The following LOC122539214 variants were observed in gnomAD, a reference collection of about 807,000 sequenced individuals.
At chr19:52,683,228 CTGTGTG>C in the LOC122539214 span, among the ~76,000 whole-genome samples, 1,310 of 127,994 alleles carry the variant, frequency 0.01, 7 homozygotes, top group African/African-American at 0.012. Flanking sequence ...CCCTGTGACT[CTGTGTG>C]TGTGTGTGTG....
chr19:52,654,478 A>G, the LOC122539214 span: 1 of 590,920 alleles, frequency 1.7e-6, no homozygotes, highest in South Asian at 4.2e-5. Context: ...AAATGTGTTA[A>G]TATTACACAA....
chr19:52,682,736 G>A, the LOC122539214 span, among the ~76,000 whole-genome samples: 3 of 152,036 alleles, frequency 2.0e-5, no homozygotes, highest in Non-Finnish European at 4.4e-5. Context: ...TATGTGTGGT[G>A]ACACATGCCT....
chr19:52,683,117 G>T, the LOC122539214 span, among the ~76,000 whole-genome samples: 1 of 152,090 alleles, frequency 6.6e-6, no homozygotes, highest in Non-Finnish European at 1.5e-5. Flanking sequence ...TGATCCACCC[G>T]CCTTGGCCTC....
At chr19:52,653,131 C>A in the LOC122539214 span, 1 of 1,467,186 alleles carries the variant, frequency 6.8e-7, no homozygotes, top group Non-Finnish European at 9.5e-7. Context: ...GGTCTTGCCA[C>A]ACTCATGACA....
the LOC122539214 span, among the ~76,000 whole-genome samples, chr19:52,671,751 T>G: frequency 2.0e-5 from 3 of 152,222 alleles, no homozygotes; most frequent in Non-Finnish European, 4.4e-5. Flanking sequence ...AATTGCAATC[T>G]ATTTTAGGTG....
At chr19:52,678,643 C>A in the LOC122539214 span, among the ~76,000 whole-genome samples, 1 of 151,830 alleles carries the variant, frequency 6.6e-6, no homozygotes, top group African/African-American at 2.4e-5. Flanking sequence ...GCCCTCATAT[C>A]CTCATGGAGA....
At chr19:52,667,817 AAT>A in the LOC122539214 span, among the ~76,000 whole-genome samples, 2 of 152,238 alleles carry the variant, frequency 1.3e-5, no homozygotes, top group Non-Finnish European at 2.9e-5. Flanking sequence ...ACATTGGATA[AAT>A]ATGTCTACAA....
chr19:52,652,690 G>T, the LOC122539214 span: 1 of 611,290 alleles, frequency 1.6e-6, no homozygotes. Flanking sequence ...AATGCTTGTA[G>T]CATTACTGAG....
At chr19:52,658,970 G>A in the LOC122539214 span, among the ~76,000 whole-genome samples, 1 of 152,138 alleles carries the variant, frequency 6.6e-6, no homozygotes, top group Admixed American at 6.5e-5. Context: ...TGGAGTGCGA[G>A]CTGCTCAGGG....
chr19:52,685,520 T>A, the LOC122539214 span, among the ~76,000 whole-genome samples: 1 of 152,142 alleles, frequency 6.6e-6, no homozygotes, highest in Admixed American at 6.6e-5. Context: ...AATGCAGAAG[T>A]GTGAACACAC....
At chr19:52,657,622 C>T in the LOC122539214 span, among the ~76,000 whole-genome samples, 374 of 151,922 alleles carry the variant, frequency 2.5e-3, no homozygotes, top group Non-Finnish European at 4.1e-3. Context: ...CCAAGGCAGG[C>T]GGATCACCTG....
chr19:52,678,152 T>C, the LOC122539214 span, among the ~76,000 whole-genome samples: 1 of 152,046 alleles, frequency 6.6e-6, no homozygotes, highest in African/African-American at 2.4e-5. Flanking sequence ...AATGGTTGCA[T>C]ATGAAAATTA....
chr19:52,665,752 G>C, the LOC122539214 span, among the ~76,000 whole-genome samples: 1 of 152,136 alleles, frequency 6.6e-6, no homozygotes, highest in Non-Finnish European at 1.5e-5. Context: ...TAGCCGATAG[G>C]GGAATGACAC....
At chr19:52,665,596 A>C in the LOC122539214 span, among the ~76,000 whole-genome samples, 1 of 151,998 alleles carries the variant, frequency 6.6e-6, no homozygotes, top group Non-Finnish European at 1.5e-5. Flanking sequence ...CTTCCTCATA[A>C]AGCAACCTTT....
chr19:52,669,199 T>A, the LOC122539214 span, among the ~76,000 whole-genome samples: 1 of 152,176 alleles, frequency 6.6e-6, no homozygotes, highest in South Asian at 2.1e-4. Context: ...TGGCATTTCA[T>A]CAACCAGAGA....
the LOC122539214 span, among the ~76,000 whole-genome samples, chr19:52,666,200 A>G: frequency 6.6e-6 from 1 of 151,212 alleles, no homozygotes; most frequent in Non-Finnish European, 1.5e-5. Context: ...AGAGTCAAAG[A>G]GAGAGAGAGA....
the LOC122539214 span, among the ~76,000 whole-genome samples, chr19:52,663,322 C>T: frequency 6.6e-6 from 1 of 152,046 alleles, no homozygotes; most frequent in Non-Finnish European, 1.5e-5. Flanking sequence ...AATTGTGAAC[C>T]CCTAGCTATA....
chr19:52,676,326 C>A, the LOC122539214 span, among the ~76,000 whole-genome samples: 32,477 of 151,724 alleles, frequency 0.21, 3,620 homozygotes, highest in Non-Finnish European at 0.24. Context: ...GATCTCGGCT[C>A]ACTACAACCT....
chr19:52,675,769 G>A, the LOC122539214 span, among the ~76,000 whole-genome samples: 2 of 152,352 alleles, frequency 1.3e-5, no homozygotes, highest in South Asian at 4.1e-4. Flanking sequence ...ATGCATGTCT[G>A]TGGGAATATA....
Sources: gnomAD v4.1 joint callset for allele counts (sites outside exome capture counted in the v4.1 genomes callset) on GRCh38, gnomAD v4.1.1 for gene constraint, MANE v1.5 for transcripts.